GPHN: variants seen among roughly 807,000 people sequenced by gnomAD.
GPHN encodes gephyrin.
GPHN carries 17 observed loss-of-function variants against 95.5 expected under a neutral mutation model. The observed-to-expected ratio is 0.18, with a 90% CI of 0.12 to 0.27. The LOEUF is 0.27. GPHN is among the 10% of genes least tolerant of loss of function. GPHN has a pLI of 1.00. For missense variants in GPHN, 660 were observed against 978.1 expected, an observed-to-expected ratio of 0.67 and a Z score of 4.34; for synonymous variants, 320 against 322.5, an observed-to-expected ratio of 0.99 and a Z score of 0.08.
chr14:67,384,877 G>C, the GPHN span: 40 of 152,282 alleles, frequency 2.6e-4, no homozygotes, highest in Admixed American at 9.2e-4. Flanking sequence ...TTTCACTTCT[G>C]TCTGTTGAGG....
the GPHN span, among the ~76,000 whole-genome samples, chr14:67,244,676 T>G: frequency 7.8e-4 from 118 of 152,234 alleles, no homozygotes; most frequent in Middle Eastern, 3.4e-3. Flanking sequence ...TGCAAATAGG[T>G]TTTTGTGTAA....
intron 1 of GPHN, among the ~76,000 whole-genome samples, chr14:66,653,622 T>C (rs2065161710): frequency 6.6e-6 from 1 of 152,176 alleles, no homozygotes; most frequent in African/African-American, 2.4e-5. Context: ...TTGTAAACAC[T>C]AATTTGTTCT....
At chr14:67,102,575 G>A (rs1246540850) in intron 13 of GPHN, among the ~76,000 whole-genome samples, 4 of 151,964 alleles carry the variant, frequency 2.6e-5, no homozygotes, top group Admixed American at 2.0e-4. Context: ...CAGGAGAATC[G>A]CTTGAACCTG....
chr14:67,386,744 G>T, the GPHN span, among the ~76,000 whole-genome samples: 2 of 152,114 alleles, frequency 1.3e-5, no homozygotes, highest in Admixed American at 1.3e-4. Flanking sequence ...ACGTGATTAT[G>T]TTCTCCGACA....
At chr14:66,910,081 T>C (rs543291487) in intron 5 of GPHN, among the ~76,000 whole-genome samples, 1 of 152,064 alleles carries the variant, frequency 6.6e-6, no homozygotes, top group Non-Finnish European at 1.5e-5. Flanking sequence ...TATTAGGTGC[T>C]ATACAATAGG....
At chr14:67,519,256 G>A in the GPHN span, among the ~76,000 whole-genome samples, 2 of 152,202 alleles carry the variant, frequency 1.3e-5, no homozygotes, top group Admixed American at 1.3e-4. Context: ...GCTATCTTAA[G>A]TCTAAAAAAG....
chr14:67,111,963 A>G (rs1168655169), intron 15 of GPHN, 44 bp downstream of exon 15: 4 of 1,392,428 alleles, frequency 2.9e-6, no homozygotes, highest in Admixed American at 3.4e-5. Flanking sequence ...TTTTGTTTCT[A>G]CATGATCATT....
the GPHN span, among the ~76,000 whole-genome samples, chr14:67,672,449 T>TTTC: frequency 8.9e-6 from 1 of 111,914 alleles, no homozygotes; most frequent in Non-Finnish European, 1.9e-5. Context: ...TTTCTTTTCT[T>TTTC]TTTTTTTTTT....
intron 4 of GPHN, among the ~76,000 whole-genome samples, chr14:66,863,746 T>C (rs552652717): frequency 6.6e-6 from 1 of 152,262 alleles, no homozygotes; most frequent in South Asian, 2.1e-4. Context: ...CAAATGGTGC[T>C]GGGAAAACTG....
At chr14:67,719,958 C>T in the GPHN span, among the ~76,000 whole-genome samples, 6 of 152,068 alleles carry the variant, frequency 3.9e-5, no homozygotes, top group Admixed American at 2.6e-4. Flanking sequence ...ACATGGAAGT[C>T]GAATGTTTAG....
At chr14:66,862,207 G>C (rs2063051581) in intron 4 of GPHN, among the ~76,000 whole-genome samples, 1 of 151,974 alleles carries the variant, frequency 6.6e-6, no homozygotes, top group South Asian at 2.1e-4. Flanking sequence ...GCTACTATGA[G>C]CAACTATATA....
At chr14:67,210,977 G>GT in the GPHN span, among the ~76,000 whole-genome samples, 1 of 152,104 alleles carries the variant, frequency 6.6e-6, no homozygotes, top group African/African-American at 2.4e-5. Context: ...TCCAGCCTGG[G>GT]TGATGGAGTG....
the GPHN span, among the ~76,000 whole-genome samples, chr14:67,427,462 C>T: frequency 2.0e-5 from 3 of 152,270 alleles, no homozygotes; most frequent in Admixed American, 1.3e-4. Context: ...TTGAAGCAGG[C>T]CACCTTTGTC....
the GPHN span, among the ~76,000 whole-genome samples, chr14:67,255,463 T>C: frequency 6.6e-6 from 1 of 152,330 alleles, no homozygotes; most frequent in Non-Finnish European, 1.5e-5. Flanking sequence ...TTCTTACATT[T>C]TAAAATTAAA....
At chr14:66,834,316 T>C (rs1054203131) in intron 4 of GPHN, among the ~76,000 whole-genome samples, 20 of 152,142 alleles carry the variant, frequency 1.3e-4, no homozygotes, top group Non-Finnish European at 2.6e-4. Flanking sequence ...AAAAGCTCCA[T>C]AGTAAAATGG....
the GPHN span, among the ~76,000 whole-genome samples, chr14:67,712,348 T>G: frequency 1.3e-5 from 2 of 152,008 alleles, no homozygotes; most frequent in African/African-American, 2.4e-5. Flanking sequence ...ACTTAAAAAT[T>G]TTGTTGTTGT....
the GPHN span, chr14:67,332,989 G>C: frequency 8.9e-6 from 14 of 1,578,682 alleles, no homozygotes; most frequent in African/African-American, 5.4e-5. Flanking sequence ...TGTTGGACTT[G>C]ATCTGGCAAA....
chr14:67,651,595 C>CAA, the GPHN span: 3 of 1,169,444 alleles, frequency 2.6e-6, no homozygotes, highest in Non-Finnish European at 2.4e-6. Flanking sequence ...TATGTTTGAT[C>CAA]ACACAGCCAC....
chr14:67,648,367 G>A, the GPHN span: 3 of 538,178 alleles, frequency 5.6e-6, no homozygotes, highest in South Asian at 1.4e-4. Context: ...AGTCATGCTT[G>A]GACATGGCTC....
Sources: allele counts gnomAD v4.1 joint callset (sites outside exome capture counted in the v4.1 genomes callset), GRCh38; gene constraint gnomAD v4.1.1; transcripts MANE v1.5; gene names NCBI Gene and HGNC (gene_info 2026-07-23, HGNC 2026-07-21).